COP1: variants seen among roughly 807,000 people sequenced by gnomAD.
COP1 encodes E3 ubiquitin-protein ligase COP1.
A neutral mutation model predicts 101.3 loss-of-function variants in COP1; 24 were observed. That is an observed-to-expected ratio of 0.24 (90% CI 0.17 to 0.33). COP1 has a LOEUF of 0.33. Among genes scored for constraint, COP1 ranks in the 10% least tolerant of loss-of-function variants. The pLI is 1.00. For synonymous variants in COP1, 347 were observed against 341.9 expected, an observed-to-expected ratio of 1.01 and a Z score of -0.17; for missense variants, 663 against 906.2, an observed-to-expected ratio of 0.73 and a Z score of 3.45.
chr1:176,103,667 G>C (rs1356838843), intron 9 of COP1, among the ~76,000 whole-genome samples: 2 of 152,106 alleles, frequency 1.3e-5, no homozygotes, highest in East Asian at 3.8e-4. Context: ...TTAGATTTCA[G>C]ATGCTAAATC....
chr1:176,145,483 G>C lies in COP1; in HGVS notation c.831+3523C>G, dbSNP rs570633582. Among the ~76,000 whole-genome samples the C allele has an allele frequency of 3.8e-4, 58 of 152,212 alleles. 1 individual carries two copies. Among genetic ancestry groups the C allele is most frequent in the Admixed American group, 3.6e-3 (55 of 15,276 alleles). On this transcript the variant is annotated intron_variant, in intron 6 of 19. Coordinates refer to ENST00000367669, the MANE Select transcript of COP1 (RefSeq NM_022457.7). ...AAATTTGAAGATACACATATCCTATGACTCATCAATTCCACTTCTAAATAC... is the reference window on the plus strand; with the variant it reads ...AAATTTGAAGATACACATATCCTATCACTCATCAATTCCACTTCTAAATAC...
intron 4 of COP1, 120 bp downstream of exon 4, chr1:176,163,695 A>G (rs1051169071): frequency 2.9e-5 from 18 of 618,458 alleles, no homozygotes; most frequent in Non-Finnish European, 4.7e-5. Context: ...GAACAATCCT[A>G]AACAATCGCC....
chr1:176,048,466 GCTGC>G, intron 11 of COP1, among the ~76,000 whole-genome samples: 1 of 152,188 alleles, frequency 6.6e-6, no homozygotes, highest in Admixed American at 6.5e-5. Context: ...CAATTGAACT[GCTGC>G]CTCAGCTACT....
At chr1:176,114,601 TG>T (rs1253862957) in intron 9 of COP1, among the ~76,000 whole-genome samples, 1 of 120,720 alleles carries the variant, frequency 8.3e-6, no homozygotes. Context: ...GGGGAGGGAG[TG>T]GGGGGGAAAG....
chr1:175,997,792 C>T lies in COP1; in HGVS notation c.1730-8313G>A, dbSNP rs569065718. Among the ~76,000 whole-genome samples the T allele has an allele frequency of 9.1e-3, 1,382 of 152,232 alleles. 12 individuals carry two copies. The highest frequency in any genetic ancestry group is 0.014 in the Non-Finnish European group (972 of 68,000). On this transcript the variant is annotated intron_variant, in intron 15 of 19. Coordinates refer to ENST00000367669, the MANE Select transcript of COP1 (RefSeq NM_022457.7). ...GTGGAGAAATAGGAACACTTTTACA[C>T]TGTTGGTGGGACTGTAAACTAGTTC...
At chr1:176,206,374 G>T in intron 1 of COP1, 198 bp downstream of exon 1, 1 of 577,258 alleles carries the variant, frequency 1.7e-6, no homozygotes, top group Non-Finnish European at 3.0e-6. Context: ...ACCCTGCCTC[G>T]CTACTCCAAC....
intron 8 of COP1, among the ~76,000 whole-genome samples, chr1:176,123,821 T>C (rs1316249191): frequency 6.6e-6 from 1 of 152,192 alleles, no homozygotes; most frequent in Non-Finnish European, 1.5e-5. Context: ...GCATGTCAGA[T>C]TTAAGAATTT....
intron 19 of COP1, 62 bp downstream of exon 19, chr1:175,947,133 T>C: frequency 3.6e-6 from 4 of 1,117,406 alleles, no homozygotes; most frequent in East Asian, 2.3e-5. Flanking sequence ...TGTATTTCTA[T>C]AATCCTGTTT....
intron 15 of COP1, among the ~76,000 whole-genome samples, chr1:175,995,017 C>A (rs1003828286): frequency 2.6e-5 from 4 of 151,902 alleles, no homozygotes; most frequent in African/African-American, 9.7e-5. Flanking sequence ...TCAGCAAATG[C>A]AAAAGATCAG....
chr1:176,124,420 C>A (rs1687682573), intron 8 of COP1, among the ~76,000 whole-genome samples: 1 of 151,104 alleles, frequency 6.6e-6, no homozygotes, highest in Non-Finnish European at 1.5e-5. Flanking sequence ...CCCCCCAGCC[C>A]CGTACTACCC....
At chr1:176,158,643 T>C (rs1693838275) in intron 5 of COP1, among the ~76,000 whole-genome samples, 1 of 138,570 alleles carries the variant, frequency 7.2e-6, no homozygotes, top group East Asian at 2.0e-4. Flanking sequence ...TTTTTTTTTT[T>C]TTTTTTTTTT....
intron 9 of COP1, among the ~76,000 whole-genome samples, chr1:176,089,541 C>T (rs752599512): frequency 4.6e-5 from 7 of 152,160 alleles, no homozygotes; most frequent in Non-Finnish European, 1.0e-4. Flanking sequence ...AACTGTACCA[C>T]AATGCCAAAT....
intron 11 of COP1, among the ~76,000 whole-genome samples, chr1:176,054,758 C>T (rs1205409960): frequency 6.6e-6 from 1 of 152,148 alleles, no homozygotes; most frequent in East Asian, 1.9e-4. Flanking sequence ...CATAAGGCTT[C>T]CATGTTTTTC....
At chr1:176,179,606 C>A (rs1174564657) in intron 2 of COP1, among the ~76,000 whole-genome samples, 1 of 151,776 alleles carries the variant, frequency 6.6e-6, no homozygotes, top group Non-Finnish European at 1.5e-5. Context: ...TGGTGGCAGT[C>A]TGTCCCTGTG....
chr1:176,062,535 A>C (rs1381249172), intron 11 of COP1, among the ~76,000 whole-genome samples: 1 of 152,234 alleles, frequency 6.6e-6, no homozygotes, highest in African/African-American at 2.4e-5. Context: ...ACTGCTGATT[A>C]AAGTGGTAAA....
chr1:175,996,209 A>G (rs1035607144), intron 15 of COP1, among the ~76,000 whole-genome samples: 2 of 152,196 alleles, frequency 1.3e-5, no homozygotes, highest in African/African-American at 4.8e-5. Context: ...CCTTTGTGCT[A>G]AAAACTCTCA....
At chr1:176,160,310 G>A (rs12086385) in intron 5 of COP1, 4 of 344,240 alleles carry the variant, frequency 1.2e-5, no homozygotes, top group African/African-American at 1.1e-4. Flanking sequence ...CACGAGTGCA[G>A]AATGTGTAGG....
intron 1 of COP1, among the ~76,000 whole-genome samples, chr1:176,203,331 C>G (rs1042952803): frequency 2.0e-5 from 3 of 151,548 alleles, no homozygotes; most frequent in Non-Finnish European, 4.4e-5. Context: ...AGCGAGACTC[C>G]GTCTCAAAAA....
At chr1:176,101,817 G>C (rs1246082332) in intron 9 of COP1, among the ~76,000 whole-genome samples, 1 of 152,088 alleles carries the variant, frequency 6.6e-6, no homozygotes, top group South Asian at 2.1e-4. Flanking sequence ...CCTTTTGATG[G>C]GACCCTTAGA....
Sources: allele counts gnomAD v4.1 joint callset (sites outside exome capture counted in the v4.1 genomes callset), GRCh38; gene constraint gnomAD v4.1.1; transcripts MANE v1.5; gene names NCBI Gene and HGNC (gene_info 2026-07-23, HGNC 2026-07-21).